The following PVT1 variants were observed in gnomAD, a reference collection of about 807,000 sequenced individuals.
The protein encoded by PVT1 is CXCR4/PVT1 fusion.
At chr8:127,836,120 G>A (rs2129706802) in intron 2 of PVT1, among the ~76,000 whole-genome samples, 1 of 152,068 alleles carries the variant, frequency 6.6e-6, no homozygotes, top group Non-Finnish European at 1.5e-5. Context: ...CTCATCACTG[G>A]ATGCTGCTGA....
chr8:127,933,783 G>A (rs1276747266), intron 3 of PVT1, among the ~76,000 whole-genome samples: 2 of 152,208 alleles, frequency 1.3e-5, no homozygotes, highest in African/African-American at 2.4e-5. Flanking sequence ...TAGGAGCCAG[G>A]CAGAACTGTG....
At chr8:127,845,232 G>C (rs573735855) in intron 2 of PVT1, among the ~76,000 whole-genome samples, 1 of 152,218 alleles carries the variant, frequency 6.6e-6, no homozygotes. Context: ...GCTTCATTGT[G>C]GGGGCTGAGG....
intron 2 of PVT1, among the ~76,000 whole-genome samples, chr8:127,859,152 T>C (rs761663380): frequency 6.6e-6 from 1 of 151,990 alleles, no homozygotes; most frequent in African/African-American, 2.4e-5. Flanking sequence ...ATAAATTGAG[T>C]ATTTTCTTCC....
chr8:127,827,865 C>T (rs749327996), intron 2 of PVT1, among the ~76,000 whole-genome samples: 2 of 152,022 alleles, frequency 1.3e-5, no homozygotes, highest in African/African-American at 2.4e-5. Flanking sequence ...CATTCTGGCC[C>T]GAAGCCCCTG....
intron 2 of PVT1, among the ~76,000 whole-genome samples, chr8:127,838,309 A>T (rs946201951): frequency 6.6e-6 from 1 of 152,214 alleles, no homozygotes; most frequent in Non-Finnish European, 1.5e-5. Flanking sequence ...TTGCAAGGCT[A>T]TGGACAGATA....
At chr8:127,942,691 C>G (rs142250682) in intron 3 of PVT1, among the ~76,000 whole-genome samples, 464 of 152,298 alleles carry the variant, frequency 3.0e-3, no homozygotes, top group Admixed American at 5.7e-3. Context: ...TTCTGACTTG[C>G]CTGACCAGCT....
chr8:128,040,053 G>T (rs75455158), intron 4 of PVT1, among the ~76,000 whole-genome samples: 1 of 152,280 alleles, frequency 6.6e-6, no homozygotes, highest in Non-Finnish European at 1.5e-5. Flanking sequence ...GAATTGTTAT[G>T]TTAGAGATGT....
chr8:127,967,012 GAAAATCCCGAGGA>G (rs1361195571), intron 3 of PVT1, among the ~76,000 whole-genome samples: 2 of 152,156 alleles, frequency 1.3e-5, no homozygotes, highest in Non-Finnish European at 2.9e-5. Context: ...CCCCAGAAAG[GAAAATCCCGAGGA>G]GGCAGCTGAT....
At chr8:127,956,507 A>T (rs1816570492) in intron 3 of PVT1, among the ~76,000 whole-genome samples, 1 of 152,122 alleles carries the variant, frequency 6.6e-6, no homozygotes, top group African/African-American at 2.4e-5. Flanking sequence ...GTTTTTTGAG[A>T]CGAAGTCTCG....
intron 5 of PVT1, among the ~76,000 whole-genome samples, chr8:128,085,897 C>G (rs1814249976): frequency 6.6e-6 from 1 of 152,188 alleles, no homozygotes; most frequent in Non-Finnish European, 1.5e-5. Context: ...GACATTAAAG[C>G]AAATGTACCT....
intron 2 of PVT1, among the ~76,000 whole-genome samples, chr8:127,867,912 C>T (rs531434070): frequency 1.3e-5 from 2 of 152,302 alleles, no homozygotes; most frequent in Admixed American, 6.5e-5. Flanking sequence ...GGCAGGACGT[C>T]CATCTCAACT....
intron 4 of PVT1, among the ~76,000 whole-genome samples, chr8:128,017,564 T>C (rs1376944305): frequency 1.3e-5 from 2 of 151,422 alleles, no homozygotes; most frequent in African/African-American, 4.8e-5. Flanking sequence ...CCCAAGCAGC[T>C]GGGACTATAA....
At chr8:127,981,107 C>T (rs775827708) in intron 3 of PVT1, among the ~76,000 whole-genome samples, 1 of 152,112 alleles carries the variant, frequency 6.6e-6, no homozygotes, top group Admixed American at 6.6e-5. Flanking sequence ...TAGAGCCCAG[C>T]TTATACCCAG....
chr8:128,089,078 A>G (rs1482588893), intron 5 of PVT1, among the ~76,000 whole-genome samples: 1 of 152,174 alleles, frequency 6.6e-6, no homozygotes, highest in Non-Finnish European at 1.5e-5. Flanking sequence ...GAGGGAGGGA[A>G]ATTTACCCAT....
chr8:127,839,739 A>G (rs1814952037), intron 2 of PVT1, among the ~76,000 whole-genome samples: 1 of 152,112 alleles, frequency 6.6e-6, no homozygotes, highest in African/African-American at 2.4e-5. Context: ...TTTAAGGAAG[A>G]GACTGTGGAC....
At chr8:127,852,331 G>A (rs1485428563) in intron 2 of PVT1, 2 of 152,244 alleles carry the variant, frequency 1.3e-5, no homozygotes, top group Non-Finnish European at 2.9e-5. Context: ...GCGAGCTGGT[G>A]ACTCTCCTTG....
chr8:128,088,324 C>T (rs1387512219), intron 5 of PVT1, among the ~76,000 whole-genome samples: 4 of 152,090 alleles, frequency 2.6e-5, no homozygotes, highest in Non-Finnish European at 4.4e-5. Flanking sequence ...CAGCTCGTGG[C>T]GCAGACTTGC....
At chr8:128,072,772 G>A (rs888564539) in intron 5 of PVT1, among the ~76,000 whole-genome samples, 3 of 152,090 alleles carry the variant, frequency 2.0e-5, no homozygotes, top group Admixed American at 6.6e-5. Flanking sequence ...TCTGTGGCAC[G>A]AGACATTCCC....
chr8:127,859,677 A>G (rs955972288), intron 2 of PVT1, among the ~76,000 whole-genome samples: 15 of 152,052 alleles, frequency 9.9e-5, no homozygotes, highest in Non-Finnish European at 1.5e-4. Context: ...GCTCAGGGCC[A>G]TGCTGAACTT....
Sources: gnomAD v4.1 joint callset for allele counts (sites outside exome capture counted in the v4.1 genomes callset) on GRCh38, gnomAD v4.1.1 for gene constraint, MANE v1.5 for transcripts, NCBI Gene and HGNC (gene_info 2026-07-23, HGNC 2026-07-21) for gene names.